The following CDKL3 variants were observed in gnomAD, a reference collection of about 807,000 sequenced individuals.
CDKL3 encodes cyclin dependent kinase like 3.
In CDKL3, 65 loss-of-function variants were observed where a neutral mutation model predicts 69.3. The ratio of observed to expected loss-of-function variants is 0.94; its 90% confidence interval spans 0.77 to 1.15. The LOEUF (loss-of-function observed/expected upper bound fraction) is 1.15. Ranked by LOEUF, CDKL3 falls within the 50% of genes most tolerant of loss-of-function variation. The probability of loss-of-function intolerance (pLI) is 0.00; values close to 1 mark genes in which losing one functional copy is unlikely to be tolerated. For synonymous variants in CDKL3, 202 were observed against 221.6 expected (o/e 0.91, Z 0.79); for missense variants, 652 against 689.2 (o/e 0.95, Z 0.61).
intron 3 of CDKL3, among the ~76,000 whole-genome samples, chr5:134,353,957 C>G (rs1184624297): frequency 6.6e-6 from 1 of 152,152 alleles, no homozygotes; most frequent in Non-Finnish European, 1.5e-5. Flanking sequence ...TCGGCCCCTA[C>G]TTACCCTATT....
intron 8 of CDKL3, among the ~76,000 whole-genome samples, chr5:134,292,879 T>C (rs1244244042): frequency 6.6e-6 from 1 of 151,650 alleles, no homozygotes; most frequent in Admixed American, 6.6e-5. Context: ...AGCAAACAAA[T>C]GGATACAAGG....
At chr5:134,285,638 T>C (rs1209963370), downstream of CDKL3, among the ~76,000 whole-genome samples, 1 of 152,238 alleles carries the variant, frequency 6.6e-6, no homozygotes, top group Non-Finnish European at 1.5e-5. Flanking sequence ...GTCTTGGGGA[T>C]TAACAGTCAG....
chr5:134,357,206 G>T (rs1754823024), intron 3 of CDKL3, among the ~76,000 whole-genome samples: 1 of 152,140 alleles, frequency 6.6e-6, no homozygotes, highest in South Asian at 2.1e-4. Flanking sequence ...AGCACTTTGG[G>T]AGGCTAAGGT....
At position 134,298,657 on chromosome 5, in the gene CDKL3, GA is replaced by G. The variant is rs753494539; in HGVS notation, c.1772del (p.Phe591SerfsTer9). Reference protein sequence around the residue: ...GKNLKRNRFFFW With the variant: ...GKNLKRNRFFXW ...CTATGTAAAAGAAAAGACACTACCA[GA>G]AAAAAAACCTGTTTCTCTTCAAATT... is the stretch of plus-strand genomic sequence containing the variant. On this transcript the variant is annotated frameshift_variant, in exon 13 of 13. Coordinates refer to ENST00000265334, the MANE Select transcript of CDKL3 (RefSeq NM_001113575.2). LOFTEE classifies it high-confidence loss of function. The G allele has an allele frequency of 2.5e-6, 4 of 1,611,592 alleles. No individual in the cohort carries two copies. Among genetic ancestry groups the G allele is most frequent in the South Asian group, 2.2e-5 (2 of 90,522 alleles).
rs367568466 is a variant in CDKL3, at chr5:134,344,650, G to A, written c.539+5599C>T. Among the ~76,000 whole-genome samples the A allele has an allele frequency of 3.7e-4, 57 of 152,290 alleles. 1 individual carries two copies. In the South Asian group the frequency reaches 0.011, roughly 29 times the overall value. On this transcript the variant is annotated intron_variant, in intron 4 of 12. Transcript: ENST00000265334. ...TAGAATAAAAAAGTCAGGCTTCAGC[G>A]TGGTGGCTCACACCTATCATCCTAA...
intron 3 of CDKL3, among the ~76,000 whole-genome samples, chr5:134,356,422 T>C (rs1467081988): frequency 6.6e-6 from 1 of 152,214 alleles, no homozygotes; most frequent in Non-Finnish European, 1.5e-5. Context: ...GCCCAGGGGT[T>C]GGGGACCCCT....
chr5:134,311,900 T>A (rs1239780868), intron 7 of CDKL3, among the ~76,000 whole-genome samples: 4 of 152,128 alleles, frequency 2.6e-5, no homozygotes, highest in Non-Finnish European at 5.9e-5. Context: ...GTTTAAGCAA[T>A]CCTCCCACCT....
At chr5:134,296,375 T>G (rs529351706), downstream of CDKL3, among the ~76,000 whole-genome samples, 13 of 152,292 alleles carry the variant, frequency 8.5e-5, no homozygotes, top group South Asian at 2.7e-3. Context: ...GTTTTATGCC[T>G]TACACGGCCT....
At chr5:134,312,559 G>A (rs1769852287) in intron 6 of CDKL3, among the ~76,000 whole-genome samples, 179 bp from the exon 7 acceptor site, 1 of 152,218 alleles carries the variant, frequency 6.6e-6, no homozygotes, top group African/African-American at 2.4e-5. Context: ...ATTTCCCTAA[G>A]GAATTTGCAC....
chr5:134,290,959 C>T (rs147304123), intron 8 of CDKL3, among the ~76,000 whole-genome samples: 41 of 152,208 alleles, frequency 2.7e-4, no homozygotes, highest in African/African-American at 9.4e-4. Context: ...CTACAAAATC[C>T]AGACAAGAGA....
intron 4 of CDKL3, among the ~76,000 whole-genome samples, chr5:134,335,469 C>T (rs1319497528): frequency 6.6e-6 from 1 of 152,174 alleles, no homozygotes; most frequent in African/African-American, 2.4e-5. Context: ...ACCATTTGTT[C>T]CTTTCCATGT....
chr5:134,302,931 A>G (rs943189535), intron 11 of CDKL3, among the ~76,000 whole-genome samples: 1 of 152,042 alleles, frequency 6.6e-6, no homozygotes, highest in African/African-American at 2.4e-5. Context: ...TATTATTCTC[A>G]GTGTAACTGT....
At chr5:134,318,804 T>C (rs1353922578) in intron 6 of CDKL3, among the ~76,000 whole-genome samples, 1 of 151,994 alleles carries the variant, frequency 6.6e-6, no homozygotes, top group Non-Finnish European at 1.5e-5. Flanking sequence ...AGTTTATACC[T>C]AATTATCATT....
intron 9 of CDKL3, 139 bp downstream of exon 9, chr5:134,307,999 A>C: frequency 3.1e-6 from 4 of 1,309,342 alleles, no homozygotes; most frequent in Non-Finnish European, 4.0e-6. Context: ...ACACTCAGTA[A>C]ATGGCCCATT....
At chr5:134,321,677 A>G (rs1772832127) in intron 5 of CDKL3, 114 bp downstream of exon 5, 1 of 608,796 alleles carries the variant, frequency 1.6e-6, no homozygotes, top group Non-Finnish European at 2.9e-6. Flanking sequence ...CCATCTATCA[A>G]AACAATATGC....
intron 6 of CDKL3, among the ~76,000 whole-genome samples, chr5:134,315,803 A>T (rs1339493217): frequency 6.6e-6 from 1 of 152,220 alleles, no homozygotes; most frequent in African/African-American, 2.4e-5. Context: ...CCTGGGCAAC[A>T]TAGCAAGTCC....
chr5:134,351,315 G>A (rs929937345), intron 3 of CDKL3, among the ~76,000 whole-genome samples: 2 of 151,922 alleles, frequency 1.3e-5, no homozygotes, highest in African/African-American at 4.8e-5. Context: ...CTTTTTTGTG[G>A]GGTGGGGGAG....
intron 6 of CDKL3, among the ~76,000 whole-genome samples, chr5:134,314,717 T>C (rs1255530919): frequency 6.6e-6 from 1 of 152,208 alleles, no homozygotes; most frequent in Non-Finnish European, 1.5e-5. Flanking sequence ...GTGCCTACTG[T>C]ATGCTTCTAT....
chr5:134,308,086 C>T (rs1768378229), intron 9 of CDKL3, 52 bp downstream of exon 9: 1 of 1,524,612 alleles, frequency 6.6e-7, no homozygotes, highest in Non-Finnish European at 8.8e-7. Context: ...CTTTGAAATA[C>T]CATTATACAG....
Sources: gnomAD v4.1 joint callset for allele counts (sites outside exome capture counted in the v4.1 genomes callset) on GRCh38, gnomAD v4.1.1 for gene constraint, MANE v1.5 for transcripts, NCBI Gene and HGNC (gene_info 2026-07-23, HGNC 2026-07-21) for gene names.